The following ELAVL2 variants were observed in gnomAD, a reference collection of about 807,000 sequenced individuals.
ELAVL2 encodes the protein ELAV like RNA binding protein 2, also known as ELAV-like protein 2.
A neutral mutation model predicts 34.6 loss-of-function variants in ELAVL2; 4 were observed. That is an observed-to-expected ratio of 0.12 (90% CI 0.06 to 0.26). The LOEUF is 0.26. ELAVL2 is among the 10% of genes least tolerant of loss of function. The pLI, the probability that ELAVL2 is intolerant of heterozygous loss-of-function variation, is 1.00. For missense variants in ELAVL2, 432 were observed against 442.8 expected (o/e 0.98, Z 0.22); for synonymous variants, 193 against 154.8 (o/e 1.25, Z -1.83).
intron 3 of ELAVL2, among the ~76,000 whole-genome samples, chr9:23,710,710 G>T (rs138781409): frequency 6.6e-6 from 1 of 152,046 alleles, no homozygotes; most frequent in Non-Finnish European, 1.5e-5. Context: ...CTATTTAAAC[G>T]GACAGTTAAT....
intron 1 of ELAVL2, among the ~76,000 whole-genome samples, chr9:23,772,689 G>A (rs533350256): frequency 6.6e-6 from 1 of 152,126 alleles, no homozygotes; most frequent in African/African-American, 2.4e-5. Flanking sequence ...AAAACAAGGA[G>A]TCTAAAAACC....
intron 1 of ELAVL2, among the ~76,000 whole-genome samples, chr9:23,799,891 C>T (rs2061382092): frequency 6.6e-6 from 1 of 152,182 alleles, no homozygotes; most frequent in Non-Finnish European, 1.5e-5. Flanking sequence ...TTCCCAAAAG[C>T]TTTAAGAGGT....
At chr9:23,813,263 TCTA>T (rs1287155410) in intron 1 of ELAVL2, among the ~76,000 whole-genome samples, 1 of 152,150 alleles carries the variant, frequency 6.6e-6, no homozygotes, top group Non-Finnish European at 1.5e-5. Flanking sequence ...ATCAGTCTGC[TCTA>T]CGGCACACAT....
chr9:23,746,209 T>C (rs1009266566), intron 2 of ELAVL2, among the ~76,000 whole-genome samples: 10 of 152,190 alleles, frequency 6.6e-5, no homozygotes, highest in African/African-American at 2.4e-4. Context: ...CAAACTCCTT[T>C]ACCAATAGCT....
chr9:23,775,744 G>A (rs1306271297), intron 1 of ELAVL2, among the ~76,000 whole-genome samples: 1 of 152,086 alleles, frequency 6.6e-6, no homozygotes, highest in Non-Finnish European at 1.5e-5. Flanking sequence ...ATATACACAA[G>A]CTCTAACAAG....
At chr9:23,814,313 G>T (rs1449907959) in intron 1 of ELAVL2, among the ~76,000 whole-genome samples, 3 of 152,086 alleles carry the variant, frequency 2.0e-5, no homozygotes. Flanking sequence ...GCCCAAGCAG[G>T]ATAAGAAAAT....
intron 1 of ELAVL2, among the ~76,000 whole-genome samples, chr9:23,784,012 G>T (rs189054447): frequency 3.9e-5 from 6 of 151,916 alleles, no homozygotes; most frequent in Non-Finnish European, 7.4e-5. Context: ...GGCTAACACG[G>T]TGAAACCCCG....
At chr9:23,817,291 T>G (rs1257301543) in intron 1 of ELAVL2, among the ~76,000 whole-genome samples, 1 of 152,148 alleles carries the variant, frequency 6.6e-6, no homozygotes, top group Non-Finnish European at 1.5e-5. Context: ...GGTTTAGTTT[T>G]ATCCCCATTC....
At chr9:23,728,511 A>T (rs572506485) in intron 3 of ELAVL2, among the ~76,000 whole-genome samples, 12 of 152,248 alleles carry the variant, frequency 7.9e-5, no homozygotes, top group African/African-American at 2.9e-4. Context: ...TGATAGGGTA[A>T]AACAGTAGAG....
In ELAVL2 at chr9:23,701,370, C is replaced by G; in HGVS notation, c.713+9G>C. 9 of 1,613,764 alleles carry G rather than the reference C, an allele frequency of 5.6e-6. No homozygotes were observed. Among genetic ancestry groups the G allele is most frequent in the Non-Finnish European group, 7.6e-6 (9 of 1,179,756 alleles). ...TAGTAGCTGGGCACAAGAACCAAACCAGACTTACCTAAAACGCTGTGCCTG... is the reference window on the plus strand; with the variant it reads ...TAGTAGCTGGGCACAAGAACCAAACGAGACTTACCTAAAACGCTGTGCCTG... On this transcript the variant is annotated intron_variant, in intron 5 of 6. Coordinates refer to ENST00000397312, the MANE Select transcript of ELAVL2 (RefSeq NM_004432.5).
At chr9:23,804,489 A>G (rs1264255627) in intron 1 of ELAVL2, among the ~76,000 whole-genome samples, 6 of 152,224 alleles carry the variant, frequency 3.9e-5, no homozygotes, top group Non-Finnish European at 8.8e-5. Flanking sequence ...CAGATACTAT[A>G]TAATAGAGAT....
At chr9:23,783,043 T>C (rs975047841) in intron 1 of ELAVL2, among the ~76,000 whole-genome samples, 1 of 152,176 alleles carries the variant, frequency 6.6e-6, no homozygotes, top group Non-Finnish European at 1.5e-5. Flanking sequence ...TGGTAACTAT[T>C]TGGCTAGAGT....
At chr9:23,743,292 C>T (rs2049716318) in intron 2 of ELAVL2, among the ~76,000 whole-genome samples, 1 of 152,196 alleles carries the variant, frequency 6.6e-6, no homozygotes. Flanking sequence ...AATGGTGCAG[C>T]TCCTACGATT....
At chr9:23,828,472 C>A (rs1041014028), upstream of ELAVL2, among the ~76,000 whole-genome samples, 1 of 152,128 alleles carries the variant, frequency 6.6e-6, no homozygotes, top group African/African-American at 2.4e-5. Flanking sequence ...CTGTAGATAA[C>A]CCAAAATGAT....
chr9:23,826,402 C>T (rs1377371057), upstream of ELAVL2: 3 of 152,370 alleles, frequency 2.0e-5, no homozygotes, highest in Admixed American at 6.5e-5. Flanking sequence ...TGCTCATCGC[C>T]CCAGGATCCT....
intron 1 of ELAVL2, among the ~76,000 whole-genome samples, chr9:23,773,566 T>C (rs183375259): frequency 6.8e-4 from 104 of 152,332 alleles, no homozygotes; most frequent in African/African-American, 2.5e-3. Context: ...TATGTATATG[T>C]ATAACCTGTA....
intron 2 of ELAVL2, among the ~76,000 whole-genome samples, chr9:23,751,693 T>C (rs1004976950): frequency 1.3e-5 from 2 of 152,178 alleles, no homozygotes; most frequent in Non-Finnish European, 2.9e-5. Context: ...TTGGTTTTTA[T>C]CTAACCAACA....
At chr9:23,767,508 C>G (rs958376215) in intron 1 of ELAVL2, among the ~76,000 whole-genome samples, 2 of 152,148 alleles carry the variant, frequency 1.3e-5, no homozygotes, top group Non-Finnish European at 2.9e-5. Flanking sequence ...AGGCCAGACT[C>G]GGCGGCTCAC....
At chr9:23,830,625 C>CACACACACACA (rs1554774159), upstream of ELAVL2, among the ~76,000 whole-genome samples, 1,153 of 141,958 alleles carry the variant, frequency 8.1e-3, 10 homozygotes, top group South Asian at 0.026. Flanking sequence ...CACACACACA[C>CACACACACACA]CTTTTTTTTT....
Sources: gnomAD v4.1 joint callset for allele counts (sites outside exome capture counted in the v4.1 genomes callset) on GRCh38, gnomAD v4.1.1 for gene constraint, MANE v1.5 for transcripts, NCBI Gene and HGNC (gene_info 2026-07-23, HGNC 2026-07-21) for gene names.